DPP6: variants seen among roughly 807,000 people sequenced by gnomAD.
DPP6 encodes the protein A-type potassium channel modulatory protein DPP6.
DPP6 carries 69 observed loss-of-function variants against 122.6 expected under a neutral mutation model. The observed-to-expected ratio is 0.56, with a 90% CI of 0.46 to 0.69. DPP6 has a LOEUF of 0.69. Ranked by LOEUF, DPP6 falls within the 30% of genes least tolerant of loss-of-function variation. The pLI is 0.00. For synonymous variants in DPP6, 418 were observed against 433.1 expected, an observed-to-expected ratio of 0.97 and a Z score of 0.43; for missense variants, 928 against 1,116.9, an observed-to-expected ratio of 0.83 and a Z score of 2.41.
At chr7:153,828,481 C>G in the DPP6 span, among the ~76,000 whole-genome samples, 1 of 152,080 alleles carries the variant, frequency 6.6e-6, no homozygotes, top group Non-Finnish European at 1.5e-5. Context: ...ATTGTTTTAC[C>G]AAGAAATTCT....
At chr7:154,644,300 C>G (rs1312262352) in intron 6 of DPP6, among the ~76,000 whole-genome samples, 3 of 152,218 alleles carry the variant, frequency 2.0e-5, no homozygotes, top group African/African-American at 7.2e-5. Flanking sequence ...AGAAACCACA[C>G]TAATTGTGAT....
the DPP6 span, among the ~76,000 whole-genome samples, chr7:153,859,788 T>C: frequency 6.6e-6 from 1 of 152,198 alleles, no homozygotes; most frequent in Non-Finnish European, 1.5e-5. Context: ...AAGGCACCTC[T>C]TCACAGGGTG....
At chr7:153,797,635 G>A in the DPP6 span, among the ~76,000 whole-genome samples, 1 of 152,092 alleles carries the variant, frequency 6.6e-6, no homozygotes, top group Non-Finnish European at 1.5e-5. Flanking sequence ...GTGTTAGCTT[G>A]GGTTGCTGTA....
At chr7:153,819,499 T>C in the DPP6 span, among the ~76,000 whole-genome samples, 7 of 152,050 alleles carry the variant, frequency 4.6e-5, no homozygotes, top group Admixed American at 2.6e-4. Flanking sequence ...GCAGCTGTGG[T>C]TGAACGAGGG....
At chr7:154,750,168 C>A (rs1297723467) in intron 8 of DPP6, among the ~76,000 whole-genome samples, 1 of 152,198 alleles carries the variant, frequency 6.6e-6, no homozygotes, top group African/African-American at 2.4e-5. Flanking sequence ...CGGATGGCCG[C>A]TGACATGGGT....
chr7:153,980,525 G>T (rs188864125), intron 1 of DPP6, among the ~76,000 whole-genome samples: 5 of 152,076 alleles, frequency 3.3e-5, no homozygotes, highest in Admixed American at 1.3e-4. Flanking sequence ...TTTTTGAAGG[G>T]TTTTTTGTGT....
chr7:154,733,947 GTGT>G (rs1842458216), intron 8 of DPP6, among the ~76,000 whole-genome samples: 1 of 152,190 alleles, frequency 6.6e-6, no homozygotes, highest in African/African-American at 2.4e-5. Flanking sequence ...TGTGTGCCTT[GTGT>G]CACGCTGATA....
At chr7:154,293,023 T>C (rs1356177491) in intron 1 of DPP6, among the ~76,000 whole-genome samples, 1 of 152,186 alleles carries the variant, frequency 6.6e-6, no homozygotes, top group African/African-American at 2.4e-5. Flanking sequence ...CCCTAAGTAG[T>C]TATCTTTGCT....
At chr7:154,770,684 C>T (rs1035078717) in intron 9 of DPP6, among the ~76,000 whole-genome samples, 2 of 152,122 alleles carry the variant, frequency 1.3e-5, no homozygotes, top group African/African-American at 4.8e-5. Flanking sequence ...CCTAGAGGGG[C>T]CAAGACAGTC....
At chr7:154,024,213 T>G (rs1798863150) in intron 1 of DPP6, among the ~76,000 whole-genome samples, 1 of 152,204 alleles carries the variant, frequency 6.6e-6, no homozygotes, top group Non-Finnish European at 1.5e-5. Flanking sequence ...CAGCTATCGA[T>G]CCACAAATAG....
the DPP6 span, among the ~76,000 whole-genome samples, chr7:153,871,849 G>A: frequency 4.5e-4 from 69 of 152,312 alleles, no homozygotes; most frequent in Non-Finnish European, 9.4e-4. Context: ...CCATGGTTCA[G>A]TATGAACCTT....
chr7:154,399,558 T>C (rs1254137518), intron 1 of DPP6, among the ~76,000 whole-genome samples: 1 of 152,248 alleles, frequency 6.6e-6, no homozygotes, highest in African/African-American at 2.4e-5. Context: ...TTAGTTTCTT[T>C]ACATCTTTCT....
At chr7:153,776,583 A>G in the DPP6 span, among the ~76,000 whole-genome samples, 1 of 152,324 alleles carries the variant, frequency 6.6e-6, no homozygotes, top group East Asian at 1.9e-4. Context: ...AGAACAGACT[A>G]ACACAGATAG....
intron 1 of DPP6, among the ~76,000 whole-genome samples, chr7:154,071,661 A>G (rs778514031): frequency 4.1e-4 from 63 of 152,344 alleles, no homozygotes; most frequent in Admixed American, 7.8e-4. Context: ...CACTACCACT[A>G]TGATTTGAAA....
the DPP6 span, among the ~76,000 whole-genome samples, chr7:153,797,146 C>A: frequency 2.6e-5 from 4 of 152,310 alleles, no homozygotes; most frequent in South Asian, 8.3e-4. Context: ...GAGATGACTG[C>A]ATCTCTGGCT....
chr7:154,675,746 C>T (rs547970528), intron 7 of DPP6, among the ~76,000 whole-genome samples: 14 of 152,320 alleles, frequency 9.2e-5, no homozygotes, highest in East Asian at 3.9e-4. Context: ...TCTCCCCAAC[C>T]GCGAATGCTG....
At chr7:154,014,926 A>T (rs1405169440) in intron 1 of DPP6, among the ~76,000 whole-genome samples, 2 of 152,052 alleles carry the variant, frequency 1.3e-5, no homozygotes, top group East Asian at 3.9e-4. Flanking sequence ...AATGATGGAT[A>T]CTTATTAAAC....
At chr7:154,695,715 G>A (rs531547313) in intron 7 of DPP6, among the ~76,000 whole-genome samples, 132 of 152,302 alleles carry the variant, frequency 8.7e-4, no homozygotes, top group African/African-American at 3.1e-3. Flanking sequence ...CTGTGAGGTG[G>A]CTGGCGCTGT....
chr7:153,908,342 T>A (rs1799938848), intron 1 of DPP6, among the ~76,000 whole-genome samples: 1 of 152,128 alleles, frequency 6.6e-6, no homozygotes, highest in South Asian at 2.1e-4. Flanking sequence ...ATAGTTATGG[T>A]CCTTTTAAAT....
Sources: gnomAD v4.1 joint callset for allele counts (sites outside exome capture counted in the v4.1 genomes callset) on GRCh38, gnomAD v4.1.1 for gene constraint, MANE v1.5 for transcripts, NCBI Gene and HGNC (gene_info 2026-07-23, HGNC 2026-07-21) for gene names.